The following WWOX variants were observed in gnomAD, a reference collection of about 807,000 sequenced individuals.
The protein encoded by WWOX is WW domain containing oxidoreductase, also known as WW domain-containing oxidoreductase.
Under a neutral mutation model 46.2 loss-of-function variants are expected in WWOX, and 69 were observed. The observed-to-expected ratio is 1.49, with a 90% CI of 1.23 to 1.82. The LOEUF is 1.82. Among genes scored for constraint, WWOX ranks in the 40% most tolerant of loss-of-function variants. The probability of loss-of-function intolerance (pLI) is 0.00; values close to 1 mark genes in which losing one functional copy is unlikely to be tolerated. For missense variants in WWOX, 919 were observed against 542.6 expected (o/e 1.69, Z -6.89); for synonymous variants, 359 against 202.6 (o/e 1.77, Z -6.56).
At chr16:78,967,286 CTTTTTTTTTT>C (rs71140849) in intron 8 of WWOX, among the ~76,000 whole-genome samples, 2 of 56,830 alleles carry the variant, frequency 3.5e-5, no homozygotes, top group East Asian at 8.1e-4. Flanking sequence ...CTGCCGAGGC[CTTTTTTTTTT>C]TTTTTTTTTT....
chr16:78,132,352 A>G (rs1399530814), intron 4 of WWOX, among the ~76,000 whole-genome samples: 4 of 152,028 alleles, frequency 2.6e-5, no homozygotes, highest in African/African-American at 4.8e-5. Flanking sequence ...TTTATTTCCA[A>G]TTATGCATCT....
chr16:78,917,096 G>C (rs1009819877), intron 8 of WWOX, among the ~76,000 whole-genome samples: 2 of 152,190 alleles, frequency 1.3e-5, no homozygotes, highest in Non-Finnish European at 2.9e-5. Flanking sequence ...GAGAAGACCA[G>C]ACTTGCTCTT....
chr16:78,739,776 A>G (rs951504509), intron 8 of WWOX, among the ~76,000 whole-genome samples: 3 of 152,140 alleles, frequency 2.0e-5, no homozygotes, highest in African/African-American at 7.2e-5. Flanking sequence ...GTACCATTGC[A>G]CTCCAGCCTG....
chr16:78,847,711 A>G (rs2052337544), intron 8 of WWOX, among the ~76,000 whole-genome samples: 1 of 152,152 alleles, frequency 6.6e-6, no homozygotes, highest in African/African-American at 2.4e-5. Context: ...GATGGAAATA[A>G]TAACAACTAA....
chr16:78,713,794 C>G (rs114242300), intron 8 of WWOX, among the ~76,000 whole-genome samples: 3 of 152,238 alleles, frequency 2.0e-5, no homozygotes, highest in Admixed American at 2.0e-4. Flanking sequence ...CCTAGTCTGT[C>G]ACATTTTCTT....
intron 8 of WWOX, among the ~76,000 whole-genome samples, chr16:79,158,799 C>G (rs772117531): frequency 2.0e-5 from 3 of 152,224 alleles, no homozygotes; most frequent in East Asian, 1.9e-4. Context: ...GCTTCTCACT[C>G]TCGTTTATTT....
At position 78,587,193 on chromosome 16, in the gene WWOX, C is replaced by CTTTTTTTTT. The variant is rs528293412; in HGVS notation, c.1056+154456_1056+154464dup. 2.3e-3 allele frequency among the ~76,000 whole-genome samples: 254 copies of CTTTTTTTTT among 112,864 alleles called. 8 individuals are homozygous for CTTTTTTTTT. Among genetic ancestry groups the CTTTTTTTTT allele is most frequent in the African/African-American group, 7.0e-3 (207 of 29,486 alleles). 74.0% of individuals were successfully genotyped at this position (112,864 alleles called of 152,430 possible). A position where few individuals can be genotyped will look rare whatever the true frequency, so the allele number is the denominator to read the frequency against. On this transcript the variant is annotated intron_variant, in intron 8 of 8. Transcript: ENST00000566780. ...AGCAGATGCCACCATGCCTGGCTAA[C>CTTTTTTTTT]TTTTTTTTTTTTTTTTTTTTTTTGT... is the stretch of plus-strand genomic sequence containing the variant.
chr16:78,693,850 C>A (rs1329237426), intron 8 of WWOX, among the ~76,000 whole-genome samples: 1 of 152,108 alleles, frequency 6.6e-6, no homozygotes, highest in Non-Finnish European at 1.5e-5. Context: ...GCTGTGAATA[C>A]CCTCTCTTTT....
chr16:78,555,037 G>A (rs1451205759), intron 8 of WWOX, among the ~76,000 whole-genome samples: 1 of 152,118 alleles, frequency 6.6e-6, no homozygotes, highest in Non-Finnish European at 1.5e-5. Context: ...TGCCATTTAA[G>A]GTCCCGAGGA....
chr16:78,748,435 G>A (rs2049400451), intron 8 of WWOX, among the ~76,000 whole-genome samples: 1 of 152,180 alleles, frequency 6.6e-6, no homozygotes, highest in Non-Finnish European at 1.5e-5. Flanking sequence ...TGGGGATACA[G>A]AGTTAAATAA....
At chr16:78,166,179 A>T (rs72804976) in intron 5 of WWOX, among the ~76,000 whole-genome samples, 26 of 150,510 alleles carry the variant, frequency 1.7e-4, no homozygotes, top group Non-Finnish European at 3.8e-4. Context: ...TTTTTTTTTT[A>T]AACTTAGTAC....
At chr16:78,561,293 C>G (rs2978623) in intron 8 of WWOX, among the ~76,000 whole-genome samples, 3 of 152,154 alleles carry the variant, frequency 2.0e-5, no homozygotes, top group African/African-American at 7.2e-5. Flanking sequence ...ATGTCTAGGT[C>G]TGGATTTCAA....
At chr16:78,496,204 T>C (rs892083965) in intron 8 of WWOX, 1 of 152,184 alleles carries the variant, frequency 6.6e-6, no homozygotes, top group Non-Finnish European at 1.5e-5. Flanking sequence ...TCCTGACTAC[T>C]TGAAACACGA....
At chr16:78,886,078 C>G (rs1325500973) in intron 8 of WWOX, among the ~76,000 whole-genome samples, 1 of 151,904 alleles carries the variant, frequency 6.6e-6, no homozygotes, top group African/African-American at 2.4e-5. Flanking sequence ...GTGCTCGCCA[C>G]CACACCAGGC....
chr16:78,454,629 T>C (rs12051453), intron 8 of WWOX, among the ~76,000 whole-genome samples: 18,257 of 152,040 alleles, frequency 0.12, 1,708 homozygotes, highest in African/African-American at 0.25. Flanking sequence ...CCTCAGCCTC[T>C]TGAGTAGCTG....
At chr16:78,886,774 A>G (rs944443321) in intron 8 of WWOX, among the ~76,000 whole-genome samples, 4 of 151,826 alleles carry the variant, frequency 2.6e-5, no homozygotes, top group African/African-American at 9.7e-5. Flanking sequence ...AGGAAAGGCT[A>G]TGAAATTCTG....
chr16:79,157,656 G>A lies in WWOX; in HGVS notation c.1057-53952G>A, dbSNP rs117015316. ...TAGGTATGCTAAGACCAGCAGATCA[G>A]GAGACAATGACCACTGAAAAGACAG... is the stretch of plus-strand genomic sequence containing the variant. On this transcript the variant is annotated intron_variant, in intron 8 of 8. Coordinates refer to ENST00000566780, the MANE Select transcript of WWOX (RefSeq NM_016373.4). Among the ~76,000 whole-genome samples the A allele has an allele frequency of 7.2e-3, 1,095 of 152,314 alleles. 10 individuals carry two copies. Among genetic ancestry groups the A allele is most frequent in the Non-Finnish European group, 0.012 (840 of 68,034 alleles).
intron 5 of WWOX, among the ~76,000 whole-genome samples, chr16:78,299,321 A>C (rs2151865855): frequency 6.6e-6 from 1 of 152,116 alleles, no homozygotes; most frequent in South Asian, 2.1e-4. Flanking sequence ...TCACCTTCAG[A>C]GTCTTTGGTA....
At chr16:78,882,339 C>T (rs1419043654) in intron 8 of WWOX, among the ~76,000 whole-genome samples, 1 of 152,106 alleles carries the variant, frequency 6.6e-6, no homozygotes, top group East Asian at 1.9e-4. Context: ...AGAAGTTAAG[C>T]GACTTGCCCA....
Sources: gnomAD v4.1 joint callset for allele counts (sites outside exome capture counted in the v4.1 genomes callset) on GRCh38, gnomAD v4.1.1 for gene constraint, MANE v1.5 for transcripts, NCBI Gene and HGNC (gene_info 2026-07-23, HGNC 2026-07-21) for gene names.